Variants in PDS5B observed in about 807,000 individuals in gnomAD.
PDS5B encodes PDS5 cohesin associated factor B.
In PDS5B, 51 loss-of-function variants were observed where a neutral mutation model predicts 184.1. The observed-to-expected ratio is 0.28, with a 90% confidence interval of 0.22 to 0.35. The LOEUF is 0.35. Among genes scored for constraint, PDS5B ranks in the 10% least tolerant of loss-of-function variants. The pLI is 1.00. For missense variants in PDS5B, 1,180 were observed against 1,723.3 expected (o/e 0.68, Z 5.58); for synonymous variants, 566 against 569.2 (o/e 0.99, Z 0.08).
chr13:32,667,585 T>C (rs1470037949), intron 6 of PDS5B, among the ~76,000 whole-genome samples, 179 bp from the exon 7 acceptor site: 1 of 152,212 alleles, frequency 6.6e-6, no homozygotes, highest in Non-Finnish European at 1.5e-5. Context: ...GTGGATGGAA[T>C]CTTAGATCCA....
rs369940256 is a variant in PDS5B at position 32,764,481 on chromosome 13, A to G, written c.3519-8A>G. ...TGTAATAACAATTACAAATGTCTGTATTAAAAGGCTTGATAGTTCTGAAAT... is the reference window on the plus strand; with the variant it reads ...TGTAATAACAATTACAAATGTCTGTGTTAAAAGGCTTGATAGTTCTGAAAT... On this transcript the variant is annotated splice_polypyrimidine_tract_variant and splice_region_variant and intron_variant, in intron 30 of 34. Transcript: ENST00000315596. The G allele has an allele frequency of 6.0e-5, 91 of 1,527,798 alleles. No individual in the cohort carries two copies. Among genetic ancestry groups the G allele is most frequent in the Non-Finnish European group, 8.1e-5 (90 of 1,115,570 alleles). The allele number at this position is 1,527,798 out of a possible 1,614,324, so 94.6% of individuals were successfully genotyped here. A position where few individuals can be genotyped will look rare whatever the true frequency, so the allele number is the denominator to read the frequency against.
chr13:32,614,030 T>C (rs893912746), intron 1 of PDS5B, among the ~76,000 whole-genome samples: 1 of 152,160 alleles, frequency 6.6e-6, no homozygotes. Flanking sequence ...CCTTGGAAAA[T>C]CAATTGATTG....
intron 1 of PDS5B, among the ~76,000 whole-genome samples, chr13:32,632,298 A>G (rs954994885): frequency 2.0e-5 from 3 of 152,244 alleles, no homozygotes; most frequent in African/African-American, 4.8e-5. Flanking sequence ...TGTCCAGAAT[A>G]TATAAAGAAC....
chr13:32,777,598 T>C lies in PDS5B; in HGVS notation c.*2546T>C, dbSNP rs1954993060. On this transcript the variant is annotated 3_prime_UTR_variant, in exon 35 of 35. Transcript: ENST00000315596. ...GTACTGTATAACATTAAGAAAATAT[T>C]TAACTCCCTGTAACAAGTTCCATTA... 6.6e-6 allele frequency: 1 copy of C among 152,316 alleles called. No individual in the cohort carries two copies. Among genetic ancestry groups the C allele is most frequent in the Non-Finnish European group, 1.5e-5 (1 of 67,810 alleles). The allele number at this position is 152,316 out of a possible 1,614,324, so 9.4% of individuals were successfully genotyped here. A position where few individuals can be genotyped will look rare whatever the true frequency, so the allele number is the denominator to read the frequency against.
At chr13:32,624,673 G>T (rs1309385634) in intron 1 of PDS5B, among the ~76,000 whole-genome samples, 1 of 152,120 alleles carries the variant, frequency 6.6e-6, no homozygotes, top group Non-Finnish European at 1.5e-5. Flanking sequence ...GTTGAGCTTG[G>T]TATGTGGAAA....
intron 9 of PDS5B, among the ~76,000 whole-genome samples, chr13:32,678,242 G>T (rs1411336537): frequency 6.6e-6 from 1 of 152,140 alleles, no homozygotes; most frequent in East Asian, 1.9e-4. Flanking sequence ...ATCAACCAAA[G>T]AATTTTAACT....
chr13:32,768,465 G>A lies in PDS5B; in HGVS notation c.3625-1656G>A, dbSNP rs187593852. Among the ~76,000 whole-genome samples, 14 of 152,002 alleles carry A rather than the reference G, an allele frequency of 9.2e-5. 1 individual carries two copies. The highest frequency in any genetic ancestry group is 8.5e-4 in the Admixed American group (13 of 15,270). On this transcript the variant is annotated intron_variant, in intron 31 of 34. Coordinates refer to ENST00000315596, the MANE Select transcript of PDS5B (RefSeq NM_015032.4). ...CTTGAACATACAATTTTTTTCTTTG[G>A]TGGTGGGGGCCACAATTCAGTCCAA...
At chr13:32,621,511 T>TTCTGG (rs1276245945) in intron 1 of PDS5B, among the ~76,000 whole-genome samples, 1 of 152,150 alleles carries the variant, frequency 6.6e-6, no homozygotes, top group Non-Finnish European at 1.5e-5. Flanking sequence ...TGTTTCTGTG[T>TTCTGG]TCTGGAATCG....
At position 32,701,354 on chromosome 13, in the gene PDS5B, A is replaced by G; in HGVS notation, c.1772A>G (p.Lys591Arg). The G allele has an allele frequency of 6.2e-7, 1 of 1,612,538 alleles. No homozygotes were observed. The highest frequency in any genetic ancestry group is 8.5e-7 in the Non-Finnish European group (1 of 1,178,786). The change falls in exon 17 of 35, where the codon AAA becomes AGA. Residue 591 changes from lysine (K) to arginine (R), a missense_variant. Lys to Arg is a conservative substitution (Grantham distance 26). Coordinates refer to ENST00000315596, the MANE Select transcript of PDS5B (RefSeq NM_015032.4). ...ATAACTAAGAAGTTGGGCAACCCCA[A>G]ACAGCCTACAAATCCTTTCCTGGAA... is the stretch of plus-strand genomic sequence containing the variant. Reference protein sequence around the residue: ...REITKKLGNPKQPTNPFLEMI... With the variant: ...REITKKLGNPRQPTNPFLEMI...
At chr13:32,598,871 C>T (rs1009405914) in intron 1 of PDS5B, among the ~76,000 whole-genome samples, 6 of 150,518 alleles carry the variant, frequency 4.0e-5, no homozygotes, top group East Asian at 2.0e-4. Flanking sequence ...CCTGGGTTCA[C>T]GCCATTCTCC....
intron 19 of PDS5B, among the ~76,000 whole-genome samples, chr13:32,731,263 T>C (rs1444974375): frequency 2.0e-5 from 3 of 152,168 alleles, no homozygotes; most frequent in Admixed American, 6.6e-5. Flanking sequence ...GAGGAAGATA[T>C]GGAAGTTTCT....
At chr13:32,752,378 G>A (rs918903095) in intron 24 of PDS5B, among the ~76,000 whole-genome samples, 1 of 152,128 alleles carries the variant, frequency 6.6e-6, no homozygotes, top group Non-Finnish European at 1.5e-5. Flanking sequence ...GTGGGTCTTG[G>A]AATGTATCCT....
chr13:32,770,185 G>A lies in PDS5B; in HGVS notation c.3689G>A (p.Gly1230Asp). Reference sequence around the variant, plus strand: ...GTCACAGAACAGGAGGAGAAATTAGGTATGGATGACTTGACTAAGTTGGTA... The same window carrying A: ...GTCACAGAACAGGAGGAGAAATTAGATATGGATGACTTGACTAAGTTGGTA... Reference protein sequence around the residue: ...TPVTEQEEKLGMDDLTKLVQE... With the variant: ...TPVTEQEEKLDMDDLTKLVQE... The change falls in exon 32 of 35, where the codon GGT (glycine) becomes GAT (aspartate). Residue 1230 changes from glycine (G) to aspartate (D), a missense_variant. Around this residue, in one of 11 missense-constraint regions of PDS5B, gnomAD observed 465 missense variants for 497.8 expected, o/e 0.93. Coordinates refer to ENST00000315596, the MANE Select transcript of PDS5B (RefSeq NM_015032.4). 3 of 1,613,934 alleles carry A rather than the reference G, an allele frequency of 1.9e-6. No individual in the cohort carries two copies. Among genetic ancestry groups the A allele is most frequent in the Non-Finnish European group, 2.5e-6 (3 of 1,179,966 alleles).
chr13:32,739,062 T>G (rs868263318), intron 21 of PDS5B, among the ~76,000 whole-genome samples: 2 of 152,218 alleles, frequency 1.3e-5, no homozygotes, highest in Non-Finnish European at 2.9e-5. Context: ...AGAAATCTTT[T>G]CCTACTCTAA....
In PDS5B at chr13:32,777,047, C is replaced by T. The variant is rs1467514133; in HGVS notation, c.*1995C>T. 6.6e-6 allele frequency: 1 copy of T among 152,106 alleles called. No homozygotes were observed. The highest frequency in any genetic ancestry group is 1.9e-4 in the East Asian group (1 of 5,204). The allele number at this position is 152,106 out of a possible 1,614,324, so 9.4% of individuals were successfully genotyped here. ...GCAGTACAAAGGCATGTTTTAAAAT[C>T]TATAACATAAAGAATAAGGAATAGC... On this transcript the variant is annotated 3_prime_UTR_variant, in exon 35 of 35. Coordinates refer to ENST00000315596, the MANE Select transcript of PDS5B (RefSeq NM_015032.4).
chr13:32,775,256 T>C lies in PDS5B; in HGVS notation c.*204T>C. Reference sequence around the variant, plus strand: ...CATGGTAACATTGACTATGGAGTCTTGTGAAAGTGTAATGTGCGATGGCTA... The same window carrying C: ...CATGGTAACATTGACTATGGAGTCTCGTGAAAGTGTAATGTGCGATGGCTA... On this transcript the variant is annotated 3_prime_UTR_variant, in exon 35 of 35. Coordinates refer to ENST00000315596, the MANE Select transcript of PDS5B (RefSeq NM_015032.4). 1.7e-6 allele frequency: 1 copy of C among 572,212 alleles called. No homozygotes were observed. The highest frequency in any genetic ancestry group is 3.1e-6 in the Non-Finnish European group (1 of 322,036). The allele number at this position is 572,212 out of a possible 1,614,324, so 35.4% of individuals were successfully genotyped here.
At chr13:32,639,579 T>C (rs560978308) in intron 1 of PDS5B, among the ~76,000 whole-genome samples, 20 of 152,374 alleles carry the variant, frequency 1.3e-4, no homozygotes, top group African/African-American at 4.1e-4. Flanking sequence ...TAGCATAATT[T>C]ACTTAGCGTT....
chr13:32,721,972 T>A (rs1423749800), intron 19 of PDS5B, among the ~76,000 whole-genome samples: 2 of 152,138 alleles, frequency 1.3e-5, no homozygotes, highest in African/African-American at 2.4e-5. Flanking sequence ...GGGCAGAGGC[T>A]GCAATCTCAG....
At chr13:32,709,644 A>C (rs1158981196) in intron 18 of PDS5B, among the ~76,000 whole-genome samples, 1 of 151,994 alleles carries the variant, frequency 6.6e-6, no homozygotes. Context: ...TTCTCCTCTC[A>C]TTCCCCACCA....
Sources: gnomAD v4.1 joint callset for allele counts (sites outside exome capture counted in the v4.1 genomes callset) on GRCh38, gnomAD v4.1.1 for gene constraint, gnomAD v4.1.1 regional missense constraint, MANE v1.5 for transcripts, NCBI Gene and HGNC (gene_info 2026-07-23, HGNC 2026-07-21) for gene names.